Variants in TAB1 observed in about 807,000 individuals in gnomAD.
The protein encoded by TAB1 is TGF-beta-activated kinase 1 and MAP3K7-binding protein 1.
Under a neutral mutation model 54.5 loss-of-function variants are expected in TAB1, and 30 were observed. The ratio of observed to expected loss-of-function variants is 0.55; its 90% confidence interval spans 0.41 to 0.75. The LOEUF (loss-of-function observed/expected upper bound fraction) is 0.75, where lower values mean the gene tolerates loss of function less well. Ranked by LOEUF, TAB1 falls within the 30% of genes least tolerant of loss-of-function variation. The pLI is 0.00. For missense variants in TAB1, 609 were observed against 683.2 expected (o/e 0.89, Z 1.21); for synonymous variants, 289 against 286.9 (o/e 1.01, Z -0.07).
intron 8 of TAB1, among the ~76,000 whole-genome samples, chr22:39,426,155 G>A (rs1054167791): frequency 4.6e-5 from 7 of 152,170 alleles, no homozygotes; most frequent in South Asian, 2.1e-4. Context: ...CACTGTGCCC[G>A]GTCAACTTAT....
Position 39,421,899 on chromosome 22 carries a change from C to A in TAB1, c.849C>A (p.Gly283=). 1 of 1,613,326 alleles carries A rather than the reference C, an allele frequency of 6.2e-7. No homozygotes were observed. The highest frequency in any genetic ancestry group is 8.5e-7 in the Non-Finnish European group (1 of 1,179,644). Reference sequence around the variant, plus strand: ...CACAGCCGCTGGATGGGGTGACGGGCTTCTTGGTGCTGATGTCGGAGGGGT... The same window carrying A: ...CACAGCCGCTGGATGGGGTGACGGGATTCTTGGTGCTGATGTCGGAGGGGT... ...HGAQPLDGVT[G]FLVLMSEGLY... is the part of the protein sequence containing the mutation. The change falls in exon 8 of 11, where the codon GGC becomes GGA. Residue 283 remains glycine, a synonymous_variant. Transcript: ENST00000216160.
chr22:39,424,778 G>A (rs1283392348), intron 8 of TAB1, among the ~76,000 whole-genome samples: 2 of 152,054 alleles, frequency 1.3e-5, no homozygotes, highest in African/African-American at 4.8e-5. Context: ...TGTTATATAA[G>A]CTTACCATTC....
rs1840239893 is a variant in TAB1, at chr22:39,431,084, G to C, written c.*862G>C. 26 of 985,570 alleles carry C rather than the reference G, an allele frequency of 2.6e-5. No homozygotes were observed. Among genetic ancestry groups the C allele is most frequent in the Non-Finnish European group, 2.9e-5 (24 of 830,108 alleles). 61.1% of individuals were successfully genotyped at this position (985,570 alleles called of 1,614,324 possible). ...GATGAACTGTCTTTACCACTGATGA[G>C]GGGCCTCTGCCGGCTGAGGGTAGCA... is the stretch of plus-strand genomic sequence containing the variant. On this transcript the variant is annotated 3_prime_UTR_variant, in exon 11 of 11. Transcript: ENST00000216160.
intron 6 of TAB1, 106 bp downstream of exon 6, chr22:39,418,951 G>A: frequency 1.1e-6 from 1 of 888,392 alleles, no homozygotes; most frequent in South Asian, 1.4e-5. Context: ...GTGATCTTGG[G>A]CTCCCCAGCC....
downstream of TAB1, chr22:39,433,947 T>A (rs1601704931): frequency 2.0e-6 from 1 of 488,010 alleles, no homozygotes. Context: ...CCTGTATCCG[T>A]GTCGCCTCTC....
At chr22:39,411,927 A>T (rs549393819) in intron 1 of TAB1, among the ~76,000 whole-genome samples, 253 of 152,366 alleles carry the variant, frequency 1.7e-3, no homozygotes, top group Non-Finnish European at 2.9e-3. Flanking sequence ...CACACAGGCT[A>T]ACAACTTGGA....
At chr22:39,420,746 C>T (rs1035126830) in intron 7 of TAB1, among the ~76,000 whole-genome samples, 3 of 151,278 alleles carry the variant, frequency 2.0e-5, no homozygotes, top group Non-Finnish European at 4.4e-5. Flanking sequence ...CAAAATCTGG[C>T]CACATGCACA....
At chr22:39,428,836 C>T (rs1568987676) in intron 10 of TAB1, among the ~76,000 whole-genome samples, 3 of 152,256 alleles carry the variant, frequency 2.0e-5, no homozygotes, top group Admixed American at 6.5e-5. Flanking sequence ...TAGAAAGGCC[C>T]TGGAGGGGGG....
intron 7 of TAB1, among the ~76,000 whole-genome samples, chr22:39,420,878 C>CTGTG (rs1370446636): frequency 1.1e-5 from 1 of 94,834 alleles, no homozygotes; most frequent in African/African-American, 5.4e-5. Context: ...TGGGGTGTCT[C>CTGTG]TCTCTGTGTG....
intron 8 of TAB1, among the ~76,000 whole-genome samples, chr22:39,422,371 GCAGA>G (rs1927128930): frequency 6.6e-6 from 1 of 150,716 alleles, no homozygotes; most frequent in Non-Finnish European, 1.5e-5. Flanking sequence ...TCCCTGAGTG[GCAGA>G]CAATTTATAG....
chr22:39,427,498 C>T lies in TAB1; in HGVS notation c.1145-523C>T, dbSNP rs578150370. On this transcript the variant is annotated intron_variant, in intron 9 of 10. Coordinates refer to ENST00000216160, the MANE Select transcript of TAB1 (RefSeq NM_006116.3). Reference sequence around the variant, plus strand: ...TCAGGAAAAGAGGTGGCTGCTCTTTCCCGTGCTCCCCCCAGTGCTGCTCAG... The same window carrying T: ...TCAGGAAAAGAGGTGGCTGCTCTTTTCCGTGCTCCCCCCAGTGCTGCTCAG... Among the ~76,000 whole-genome samples, 23 of 152,328 alleles carry T rather than the reference C, an allele frequency of 1.5e-4. No homozygotes were observed. The South Asian group carries it at 4.8e-3, about 32-fold the overall frequency.
Position 39,431,096 on chromosome 22 carries a change from G to C in TAB1, c.*874G>C. Reference sequence around the variant, plus strand: ...TTACCACTGATGAGGGGCCTCTGCCGGCTGAGGGTAGCAAGCAGGGGTTGT... The same window carrying C: ...TTACCACTGATGAGGGGCCTCTGCCCGCTGAGGGTAGCAAGCAGGGGTTGT... On this transcript the variant is annotated 3_prime_UTR_variant, in exon 11 of 11. Transcript: ENST00000216160. The C allele has an allele frequency of 1.0e-6, 1 of 985,712 alleles. No individual in the cohort carries two copies. Among genetic ancestry groups the C allele is most frequent in the Non-Finnish European group, 1.2e-6 (1 of 830,126 alleles). The allele number at this position is 985,712 out of a possible 1,614,324, so 61.1% of individuals were successfully genotyped here.
chr22:39,415,712 G>C lies in TAB1; in HGVS notation c.324+59G>C. 1.3e-6 allele frequency: 2 copies of C among 1,570,728 alleles called. No individual in the cohort carries two copies. The highest frequency in any genetic ancestry group is 1.7e-6 in the Non-Finnish European group (2 of 1,160,704). ...CATCATGTCCCCCACCCCAAGGCTT[G>C]GGCCCTGCACCTCTAGCATGTTGCC... On this transcript the variant is annotated intron_variant, in intron 3 of 10. Transcript: ENST00000216160. This position sits in a 1 kb window ranked among gnomAD's most constrained non-coding sequence, Gnocchi z 4.9.
At chr22:39,400,211 A>C (rs1433240524) in intron 1 of TAB1, among the ~76,000 whole-genome samples, 1 of 152,218 alleles carries the variant, frequency 6.6e-6, no homozygotes, top group Non-Finnish European at 1.5e-5. Flanking sequence ...CGCTTACTGC[A>C]TCCCCGGCGT....
At chr22:39,436,494 C>G (rs1927789637), downstream of TAB1, 2 of 1,613,140 alleles carry the variant, frequency 1.2e-6, no homozygotes, top group Non-Finnish European at 1.7e-6. Context: ...TTTCAGAGAC[C>G]CTTCCAGGCC....
At chr22:39,429,010 C>G (rs34424376) in intron 10 of TAB1, 1 of 973,492 alleles carries the variant, frequency 1.0e-6, no homozygotes, top group Admixed American at 6.2e-5. Context: ...AGCACCCCTG[C>G]CGGGCTGCCT....
downstream of TAB1, chr22:39,436,770 C>T: frequency 1.7e-6 from 1 of 590,878 alleles, no homozygotes. Flanking sequence ...CCTTCAGGAC[C>T]CAGCTCACTC....
At chr22:39,435,366 C>T (rs1026975240), downstream of TAB1, among the ~76,000 whole-genome samples, 13 of 152,258 alleles carry the variant, frequency 8.5e-5, no homozygotes, top group African/African-American at 2.2e-4. Context: ...CCCCGGCTGC[C>T]GGGCCCAGGT....
At chr22:39,427,959 C>T (rs1927421056) in intron 9 of TAB1, 62 bp from the exon 10 acceptor site, 2 of 1,450,728 alleles carry the variant, frequency 1.4e-6, no homozygotes, top group South Asian at 1.3e-5. Flanking sequence ...GCAGCTATGC[C>T]CCTGCTACCC....
Sources: allele counts gnomAD v4.1 joint callset (sites outside exome capture counted in the v4.1 genomes callset), GRCh38; gene constraint gnomAD v4.1.1; non-coding constraint Gnocchi (gnomAD v3.1); transcripts MANE v1.5; gene names NCBI Gene and HGNC (gene_info 2026-07-23, HGNC 2026-07-21).